The following LIMK2 variants were observed in gnomAD, a reference collection of about 807,000 sequenced individuals.
The protein encoded by LIMK2 is LIM domain kinase 2.
LIMK2 carries 35 observed loss-of-function variants against 75.7 expected under a neutral mutation model. The ratio of observed to expected loss-of-function variants is 0.46; its 90% confidence interval spans 0.35 to 0.61. The LOEUF (loss-of-function observed/expected upper bound fraction) is 0.61, where lower values mean the gene tolerates loss of function less well. Among genes scored for constraint, LIMK2 ranks in the 20% least tolerant of loss-of-function variants. The probability of loss-of-function intolerance (pLI) is 0.00; values close to 1 mark genes in which losing one functional copy is unlikely to be tolerated. For synonymous variants in LIMK2, 301 were observed against 319.2 expected (o/e 0.94, Z 0.61); for missense variants, 623 against 831.0 (o/e 0.75, Z 3.08).
chr22:31,219,928 G>C (rs1198907222), intron 1 of LIMK2, among the ~76,000 whole-genome samples: 2 of 152,132 alleles, frequency 1.3e-5, no homozygotes, highest in African/African-American at 4.8e-5. Context: ...AAATATGAGA[G>C]GTAAACACTA....
chr22:31,218,844 T>C (rs1280345665), intron 1 of LIMK2, among the ~76,000 whole-genome samples: 1 of 152,230 alleles, frequency 6.6e-6, no homozygotes, highest in Non-Finnish European at 1.5e-5. Context: ...TTCCTGGTTC[T>C]CGTTGTCTGG....
At chr22:31,265,806 A>G in intron 7 of LIMK2, 140 bp from the exon 8 acceptor site, 1 of 653,830 alleles carries the variant, frequency 1.5e-6, no homozygotes, top group African/African-American at 1.8e-5. Flanking sequence ...CATCTGATGT[A>G]AGAGCCCCTG....
intron 7 of LIMK2, among the ~76,000 whole-genome samples, chr22:31,264,109 C>T (rs546954064): frequency 2.8e-4 from 42 of 152,330 alleles, no homozygotes; most frequent in Non-Finnish European, 4.6e-4. Context: ...GCTGCCCTCA[C>T]TCCCATTGCC....
rs939100847 is a variant in LIMK2, at chr22:31,262,090, T to C, written c.552-44T>C. ...GCACAAGCAGAATTGGTCAAGCAGG[T>C]TTTTAGGACATCTTTACCCTGCCTC... On this transcript the variant is annotated intron_variant, in intron 5 of 15. Transcript: ENST00000331728. This position sits in a 1 kb window ranked among gnomAD's most constrained non-coding sequence, Gnocchi z 5.0. The C allele has an allele frequency of 7.2e-6, 11 of 1,523,850 alleles. No individual in the cohort carries two copies. The highest frequency in any genetic ancestry group is 6.7e-5 in the Admixed American group (4 of 59,838). The allele number at this position is 1,523,850 out of a possible 1,614,324, so 94.4% of individuals were successfully genotyped here.
intron 1 of LIMK2, among the ~76,000 whole-genome samples, chr22:31,218,413 A>G (rs566983472): frequency 6.6e-6 from 1 of 152,382 alleles, no homozygotes; most frequent in Non-Finnish European, 1.5e-5. Context: ...CTGAAAAAGG[A>G]GAGGCCCTTG....
intron 1 of LIMK2, 120 bp from the exon 2 acceptor site, chr22:31,225,600 G>C: frequency 2.9e-6 from 2 of 699,152 alleles, no homozygotes; most frequent in Non-Finnish European, 2.6e-6. Flanking sequence ...ATCTAGCAGA[G>C]CATTGGCCTA....
At position 31,262,802 on chromosome 22, in the gene LIMK2, C is replaced by G; in HGVS notation, c.854+11C>G. On this transcript the variant is annotated intron_variant, in intron 7 of 15. Transcript: ENST00000331728. The surrounding 1 kb of genome is among the most constrained non-coding windows in gnomAD (Gnocchi z 5.0). ...GAGACGTTCCCTAAGGTGCCACCTC[C>G]CACCCTGGCTCTGTTCTGTCCTATG... is the stretch of plus-strand genomic sequence containing the variant. 1 of 1,578,296 alleles carries G rather than the reference C, an allele frequency of 6.3e-7. No individual in the cohort carries two copies. Among genetic ancestry groups the G allele is most frequent in the South Asian group, 1.2e-5 (1 of 86,954 alleles).
At chr22:31,250,999 G>A (rs1191538160) in intron 2 of LIMK2, among the ~76,000 whole-genome samples, 1 of 152,192 alleles carries the variant, frequency 6.6e-6, no homozygotes. Flanking sequence ...GGGAGGAAGA[G>A]GGAGCAAGGG....
rs777635163 is a variant in LIMK2 at position 31,276,985 on chromosome 22, G to A, written c.1773-1312G>A. The A allele has an allele frequency of 2.1e-4, 343 of 1,613,810 alleles. No homozygotes were observed. Among genetic ancestry groups the A allele is most frequent in the Non-Finnish European group, 2.6e-4 (311 of 1,179,844 alleles). The stretch of plus-strand genomic sequence containing the variant: ...GGAGATCTCAGAACTAGAGATTGAC[G>A]TGGATGAGCTCCTGGACATGGAGAG... On this transcript the variant is annotated intron_variant, in intron 15 of 15. Coordinates refer to ENST00000331728, the MANE Select transcript of LIMK2 (RefSeq NM_005569.4).
chr22:31,267,737 A>G, intron 9 of LIMK2, 39 bp from the exon 10 acceptor site: 1 of 1,564,004 alleles, frequency 6.4e-7, no homozygotes, highest in Non-Finnish European at 8.6e-7. Flanking sequence ...GACAGTGAGA[A>G]GTTAACCACC....
chr22:31,225,837 C>G lies in LIMK2; in HGVS notation c.116+18C>G, dbSNP rs751879796. The G allele has an allele frequency of 1.9e-6, 3 of 1,565,522 alleles. No homozygotes were observed. The highest frequency in any genetic ancestry group is 1.1e-5 in the South Asian group (1 of 89,686). ...TGCTTCCGGTAGGTGGGCCTATCCT[C>G]CCATCTTTACCAGTGTACTATGGGC... On this transcript the variant is annotated intron_variant, in intron 2 of 15. Transcript: ENST00000331728.
intron 2 of LIMK2, among the ~76,000 whole-genome samples, chr22:31,250,255 C>G (rs1207297560): frequency 6.6e-6 from 1 of 152,162 alleles, no homozygotes; most frequent in Non-Finnish European, 1.5e-5. Flanking sequence ...TTCAGGTCCT[C>G]ATTAATTTCT....
intron 2 of LIMK2, among the ~76,000 whole-genome samples, chr22:31,240,549 G>T (rs1255471011): frequency 6.6e-6 from 1 of 151,320 alleles, no homozygotes; most frequent in African/African-American, 2.4e-5. Context: ...TCAGCCTCCC[G>T]AGGAGCTGTT....
At chr22:31,251,893 TC>T (rs2048728272) in intron 2 of LIMK2, among the ~76,000 whole-genome samples, 1 of 152,056 alleles carries the variant, frequency 6.6e-6, no homozygotes, top group Non-Finnish European at 1.5e-5. Flanking sequence ...GGAGGGAGCT[TC>T]CCATTCTCTC....
chr22:31,227,427 C>T (rs934569362), intron 2 of LIMK2, among the ~76,000 whole-genome samples: 2 of 152,202 alleles, frequency 1.3e-5, no homozygotes, highest in Non-Finnish European at 2.9e-5. Flanking sequence ...GGCCTGGAGA[C>T]GTCTGGCCTC....
chr22:31,276,946 G>T, intron 15 of LIMK2: 1 of 1,613,866 alleles, frequency 6.2e-7, no homozygotes. Flanking sequence ...GCGCCTCTAC[G>T]ACTGCCAGGA....
chr22:31,222,773 A>C (rs1226459397), intron 1 of LIMK2: 3 of 152,172 alleles, frequency 2.0e-5, no homozygotes, highest in Non-Finnish European at 4.4e-5. Flanking sequence ...ACGAGTTTGC[A>C]TGTCATCCTT....
Position 31,266,986 on chromosome 22 carries a change from GACAC to G in LIMK2, c.1048_1051del (p.His350LysfsTer6). The G allele has an allele frequency of 6.2e-7, 1 of 1,606,108 alleles. No individual in the cohort carries two copies. Among genetic ancestry groups the G allele is most frequent in the African/African-American group, 1.3e-5 (1 of 74,890 alleles). ...ATTAACAGTCACCCTCCCTGTAGGT[GACAC>G]ACAAAGCCACGGGCAAAGTGATGGT... On this transcript the variant is annotated frameshift_variant, in exon 9 of 16. Coordinates refer to ENST00000331728, the MANE Select transcript of LIMK2 (RefSeq NM_005569.4). LOFTEE classifies it high-confidence loss of function.
At chr22:31,248,233 C>T (rs2048689057) in intron 2 of LIMK2, 1 of 661,190 alleles carries the variant, frequency 1.5e-6, no homozygotes, top group Non-Finnish European at 2.2e-6. Context: ...TCCAGCCCAG[C>T]TCCACCCCTT....
Sources: allele counts gnomAD v4.1 joint callset (sites outside exome capture counted in the v4.1 genomes callset), GRCh38; gene constraint gnomAD v4.1.1; non-coding constraint Gnocchi (gnomAD v3.1); transcripts MANE v1.5; gene names NCBI Gene and HGNC (gene_info 2026-07-23, HGNC 2026-07-21).